Variants in CDK19 observed in about 807,000 individuals in gnomAD.
CDK19 encodes cyclin dependent kinase 19, also known as cyclin-dependent kinase 19.
A neutral mutation model predicts 68.3 loss-of-function variants in CDK19; 20 were observed. The ratio of observed to expected loss-of-function variants is 0.29; its 90% CI spans 0.21 to 0.43. The LOEUF (loss-of-function observed/expected upper bound fraction) is 0.43. Ranked by LOEUF, CDK19 falls within the 20% of genes least tolerant of loss-of-function variation. The pLI, the probability that CDK19 is intolerant of heterozygous loss-of-function variation, is 1.00. For synonymous variants in CDK19, 221 were observed against 222.8 expected, an observed-to-expected ratio of 0.99 and a Z score of 0.07; for missense variants, 339 against 623.5, an observed-to-expected ratio of 0.54 and a Z score of 4.86.
At chr6:110,693,386 A>G (rs1773192842) in intron 2 of CDK19, among the ~76,000 whole-genome samples, 1 of 152,252 alleles carries the variant, frequency 6.6e-6, no homozygotes, top group Non-Finnish European at 1.5e-5. Flanking sequence ...TGAGCTAAGC[A>G]AAATATAAAA....
chr6:110,674,054 T>C (rs1211668859), intron 2 of CDK19, among the ~76,000 whole-genome samples: 3 of 152,234 alleles, frequency 2.0e-5, no homozygotes, highest in Non-Finnish European at 2.9e-5. Flanking sequence ...CTGTGTCACA[T>C]TTTGGTAATT....
chr6:110,695,791 T>C (rs1160046100), intron 2 of CDK19, among the ~76,000 whole-genome samples: 1 of 151,678 alleles, frequency 6.6e-6, no homozygotes, highest in African/African-American at 2.4e-5. Context: ...CTAGATTAAC[T>C]TGGGAAGAAA....
chr6:110,732,985 T>G (rs542388010), intron 2 of CDK19, among the ~76,000 whole-genome samples: 1 of 152,200 alleles, frequency 6.6e-6, no homozygotes, highest in East Asian at 1.9e-4. Context: ...GAGAATCGCT[T>G]GAACCCAGCA....
chr6:110,690,150 C>T (rs1772855389), intron 2 of CDK19, among the ~76,000 whole-genome samples: 1 of 148,144 alleles, frequency 6.8e-6, no homozygotes, highest in Admixed American at 6.8e-5. Context: ...GCTTCCCCCA[C>T]AGGAGCTCAG....
intron 2 of CDK19, among the ~76,000 whole-genome samples, chr6:110,709,028 C>T (rs547551625): frequency 1.8e-3 from 274 of 152,194 alleles, no homozygotes; most frequent in African/African-American, 5.6e-3. Flanking sequence ...GTTCAACATA[C>T]GCAAATCAAT....
rs375148375 is a variant in CDK19, at chr6:110,719,297, C to T, written c.204+26829G>A. On this transcript the variant is annotated intron_variant, in intron 2 of 12. Transcript: ENST00000368911. ...CCAGGAGTTTTGAGACCAGCCTGGG[C>T]AACACAGTAAACCCTGTCTCTACAA... 9.9e-5 allele frequency among the ~76,000 whole-genome samples: 15 copies of T among 152,178 alleles called. No homozygotes were observed. The South Asian group carries it at 1.2e-3, about 13-fold the overall frequency.
At chr6:110,747,418 T>C (rs916461101) in intron 1 of CDK19, among the ~76,000 whole-genome samples, 2 of 152,172 alleles carry the variant, frequency 1.3e-5, no homozygotes, top group Non-Finnish European at 2.9e-5. Context: ...AAATAAAACA[T>C]ACTAGGTATG....
At chr6:110,777,499 TG>T (rs1327181911) in intron 1 of CDK19, among the ~76,000 whole-genome samples, 1 of 152,176 alleles carries the variant, frequency 6.6e-6, no homozygotes, top group Non-Finnish European at 1.5e-5. Flanking sequence ...TAAGAAGGGT[TG>T]GTGAGGACGT....
intron 1 of CDK19, among the ~76,000 whole-genome samples, chr6:110,790,194 C>G (rs1781494027): frequency 1.3e-5 from 2 of 152,198 alleles, no homozygotes; most frequent in South Asian, 4.1e-4. Flanking sequence ...TGTATTTATA[C>G]TGCTACCCGT....
intron 1 of CDK19, among the ~76,000 whole-genome samples, chr6:110,789,193 T>C (rs1437560230): frequency 6.6e-6 from 1 of 152,244 alleles, no homozygotes; most frequent in East Asian, 1.9e-4. Flanking sequence ...TTCAGTACTA[T>C]ACCTTTACAT....
At chr6:110,754,744 T>C (rs1339160468) in intron 1 of CDK19, among the ~76,000 whole-genome samples, 2 of 152,138 alleles carry the variant, frequency 1.3e-5, no homozygotes, top group African/African-American at 2.4e-5. Context: ...CTTCCCAAAG[T>C]GCTGGGATTA....
chr6:110,760,234 A>G (rs1171485062), intron 1 of CDK19, among the ~76,000 whole-genome samples: 1 of 151,774 alleles, frequency 6.6e-6, no homozygotes, highest in Non-Finnish European at 1.5e-5. Flanking sequence ...CATCTCTACT[A>G]AAACTACAAA....
At chr6:110,630,135 C>G (rs1010262834) in intron 6 of CDK19, among the ~76,000 whole-genome samples, 2 of 152,212 alleles carry the variant, frequency 1.3e-5, no homozygotes, top group Admixed American at 6.5e-5. Context: ...AGGGCATGGA[C>G]CCGCTGTGTT....
intron 2 of CDK19, among the ~76,000 whole-genome samples, chr6:110,744,877 A>G (rs1340468891): frequency 2.0e-5 from 3 of 152,186 alleles, no homozygotes; most frequent in Non-Finnish European, 4.4e-5. Flanking sequence ...TTTGCACCAC[A>G]CTTCTTATGA....
intron 1 of CDK19, among the ~76,000 whole-genome samples, chr6:110,760,783 A>G (rs1234694778): frequency 6.6e-6 from 1 of 152,156 alleles, no homozygotes; most frequent in African/African-American, 2.4e-5. Context: ...GGTACTATTA[A>G]CCATCCCCAT....
chr6:110,743,916 T>A (rs1380795224), intron 2 of CDK19, among the ~76,000 whole-genome samples: 1 of 151,910 alleles, frequency 6.6e-6, no homozygotes, highest in Non-Finnish European at 1.5e-5. Context: ...CAATAATATT[T>A]ATATTGGTTG....
chr6:110,683,877 AT>A (rs75226189), intron 2 of CDK19, among the ~76,000 whole-genome samples: 688 of 131,522 alleles, frequency 5.2e-3, no homozygotes, highest in Middle Eastern at 7.6e-3. Context: ...CATTTTTTGT[AT>A]TTTTTTTTTT....
At chr6:110,643,907 TCTCA>T (rs1482723007) in intron 4 of CDK19, among the ~76,000 whole-genome samples, 2 of 152,026 alleles carry the variant, frequency 1.3e-5, no homozygotes, top group African/African-American at 2.4e-5. Flanking sequence ...TGAGACCCCA[TCTCA>T]CTATTAAAAT....
At chr6:110,683,091 A>G (rs2691191) in intron 2 of CDK19, among the ~76,000 whole-genome samples, 50,668 of 148,370 alleles carry the variant, frequency 0.34, 9,992 homozygotes, top group East Asian at 0.68. Context: ...CAGGAGAATC[A>G]CTTGAACCCA....
Sources: allele counts gnomAD v4.1 joint callset (sites outside exome capture counted in the v4.1 genomes callset), GRCh38; gene constraint gnomAD v4.1.1; transcripts MANE v1.5; gene names NCBI Gene and HGNC (gene_info 2026-07-23, HGNC 2026-07-21).